The following TDRP variants were observed in gnomAD, a reference collection of about 807,000 sequenced individuals.
The protein encoded by TDRP is testis development related protein, also known as testis development-related protein.
In TDRP, 12 loss-of-function variants were observed where a neutral mutation model predicts 10.5. That is an observed-to-expected ratio of 1.15 (90% CI 0.73 to 1.86). The LOEUF is 1.86. Ranked by LOEUF, TDRP falls within the 40% of genes most tolerant of loss-of-function variation. TDRP has a pLI of 0.00. For synonymous variants in TDRP, 139 were observed against 95.4 expected (o/e 1.46, Z -2.67); for missense variants, 353 against 229.2 (o/e 1.54, Z -3.49).
intron 1 of TDRP, among the ~76,000 whole-genome samples, chr8:536,879 C>G (rs1019570945): frequency 6.6e-6 from 1 of 152,182 alleles, no homozygotes; most frequent in Non-Finnish European, 1.5e-5. Flanking sequence ...GTAACTGACC[C>G]TTCCTGCTTC....
chr8:524,876 G>C (rs987772374), intron 1 of TDRP, among the ~76,000 whole-genome samples: 1 of 152,140 alleles, frequency 6.6e-6, no homozygotes, highest in Non-Finnish European at 1.5e-5. Context: ...TAGAGAACGA[G>C]AGAGAAGGGT....
At chr8:521,975 G>C (rs566360203) in intron 1 of TDRP, among the ~76,000 whole-genome samples, 5 of 152,146 alleles carry the variant, frequency 3.3e-5, no homozygotes, top group African/African-American at 9.6e-5. Flanking sequence ...GCTATTATAA[G>C]TGTTTTATTA....
In TDRP at chr8:491,619, G is replaced by C; in HGVS notation, c.*780C>G. On this transcript the variant is annotated 3_prime_UTR_variant, in exon 3 of 3. Coordinates refer to ENST00000324079, the MANE Select transcript of TDRP (RefSeq NM_001384899.1). ...AACTCTCTATAATGAGCAAGACAAT[G>C]TTTCCTAAATGAAATTATCAACTGA... 1.3e-6 allele frequency: 2 copies of C among 1,530,878 alleles called. No individual in the cohort carries two copies. Among genetic ancestry groups the C allele is most frequent in the Non-Finnish European group, 1.7e-6 (2 of 1,145,432 alleles). The allele number at this position is 1,530,878 out of a possible 1,614,324, so 94.8% of individuals were successfully genotyped here. A position where few individuals can be genotyped will look rare whatever the true frequency, so the allele number is the denominator to read the frequency against.
At chr8:533,265 C>A (rs569171588) in intron 1 of TDRP, among the ~76,000 whole-genome samples, 55 of 152,334 alleles carry the variant, frequency 3.6e-4, no homozygotes, top group African/African-American at 9.9e-4. Flanking sequence ...CTCCTCAACT[C>A]TGGACAGCAG....
intron 1 of TDRP, among the ~76,000 whole-genome samples, chr8:506,767 G>C (rs1444446471): frequency 6.6e-6 from 1 of 152,192 alleles, no homozygotes; most frequent in Admixed American, 6.5e-5. Flanking sequence ...ACATAAAGCA[G>C]ACAGCTATGG....
At chr8:524,710 G>T (rs982166067) in intron 1 of TDRP, among the ~76,000 whole-genome samples, 2 of 152,162 alleles carry the variant, frequency 1.3e-5, no homozygotes, top group Non-Finnish European at 2.9e-5. Context: ...TGATGAGGCA[G>T]AAGAAAGAAT....
Position 492,024 on chromosome 8 carries a change from C to G in TDRP, c.*375G>C, listed in dbSNP as rs372980587. ...CAGCTGCATTTATACGTGCTACATA[C>G]AAGAAAAAGGTACGGAAGTTCTGAA... On this transcript the variant is annotated 3_prime_UTR_variant, in exon 3 of 3. Transcript: ENST00000324079. 1 of 1,113,340 alleles carries G rather than the reference C, an allele frequency of 9.0e-7. No individual in the cohort carries two copies. Among genetic ancestry groups the G allele is most frequent in the East Asian group, 5.3e-5 (1 of 18,750 alleles). 69.0% of individuals were successfully genotyped at this position (1,113,340 alleles called of 1,614,324 possible).
rs1457052017 is a variant in TDRP, at chr8:490,742, T to C, written c.*1657A>G. 6.6e-6 allele frequency: 1 copy of C among 152,228 alleles called. No homozygotes were observed. The highest frequency in any genetic ancestry group is 1.5e-5 in the Non-Finnish European group (1 of 68,042). The allele number at this position is 152,228 out of a possible 1,614,324, so 9.4% of individuals were successfully genotyped here. ...GCTGTTATACTAAAAATTATGAACTTGTCTCTGTATTATGGAACAAAGAAA... is the reference window on the plus strand; with the variant it reads ...GCTGTTATACTAAAAATTATGAACTCGTCTCTGTATTATGGAACAAAGAAA... On this transcript the variant is annotated 3_prime_UTR_variant, in exon 3 of 3. Transcript: ENST00000324079.
Position 492,218 on chromosome 8 carries a change from G to T in TDRP, c.*181C>A. On this transcript the variant is annotated 3_prime_UTR_variant, in exon 3 of 3. Transcript: ENST00000324079. ...GCAATCAAATGTACAATCCCTGCAC[G>T]TGTTCACCAAGGAGTCACAGTGTGT... 1 of 1,281,620 alleles carries T rather than the reference G, an allele frequency of 7.8e-7. No individual in the cohort carries two copies. The allele number at this position is 1,281,620 out of a possible 1,614,324, so 79.4% of individuals were successfully genotyped here.
At chr8:515,634 C>T (rs868598446) in intron 1 of TDRP, among the ~76,000 whole-genome samples, 39 of 152,286 alleles carry the variant, frequency 2.6e-4, no homozygotes, top group Middle Eastern at 3.4e-3. Flanking sequence ...GTTGGCACAA[C>T]CCACTGATGT....
chr8:494,486 T>G lies in TDRP; in HGVS notation c.212+8A>C. The G allele has an allele frequency of 1.2e-6, 2 of 1,612,612 alleles. No homozygotes were observed. The highest frequency in any genetic ancestry group is 1.1e-5 in the South Asian group (1 of 91,036). ...AAATGATCATTTTCTTACACAGTTA[T>G]GACTTACCCTTTGGACTTGGGAGAT... On this transcript the variant is annotated splice_region_variant and intron_variant, in intron 2 of 2. Transcript: ENST00000324079.
intron 1 of TDRP, among the ~76,000 whole-genome samples, chr8:503,276 A>G (rs1392101990): frequency 7.3e-6 from 1 of 137,436 alleles, no homozygotes; most frequent in East Asian, 2.3e-4. Flanking sequence ...CACTAGGGCA[A>G]CCCACGTCCA....
intron 1 of TDRP, among the ~76,000 whole-genome samples, chr8:509,600 C>G (rs751749710): frequency 1.3e-5 from 2 of 152,116 alleles, no homozygotes; most frequent in Non-Finnish European, 2.9e-5. Context: ...GCAAGGGAGC[C>G]CTGGATCTGG....
chr8:537,164 G>C (rs1449942284), intron 1 of TDRP, among the ~76,000 whole-genome samples: 1 of 152,216 alleles, frequency 6.6e-6, no homozygotes, highest in Non-Finnish European at 1.5e-5. Flanking sequence ...GCACTGCTGA[G>C]CCCCACGTGG....
At chr8:528,985 T>C (rs1330071404) in intron 1 of TDRP, among the ~76,000 whole-genome samples, 1 of 152,148 alleles carries the variant, frequency 6.6e-6, no homozygotes, top group Non-Finnish European at 1.5e-5. Flanking sequence ...GGGAGTCTGA[T>C]GTTTGAGGGC....
chr8:544,615 G>A (rs1802585662), intron 1 of TDRP, 35 bp downstream of exon 1: 8 of 1,213,028 alleles, frequency 6.6e-6, no homozygotes, highest in Non-Finnish European at 8.2e-6. Context: ...CGCGCCCCCG[G>A]CCTACTAGCA....
chr8:535,528 T>A (rs931682211), intron 1 of TDRP, among the ~76,000 whole-genome samples: 16 of 152,112 alleles, frequency 1.1e-4, no homozygotes, highest in Admixed American at 5.9e-4. Context: ...CACTCTGAAA[T>A]AACAGGTAAA....
At chr8:544,364 C>G (rs545868761) in intron 1 of TDRP, among the ~76,000 whole-genome samples, 2 of 152,134 alleles carry the variant, frequency 1.3e-5, no homozygotes, top group South Asian at 4.1e-4. Context: ...GGCACTGGGT[C>G]CCCTGCAAGC....
intron 1 of TDRP, among the ~76,000 whole-genome samples, chr8:497,977 A>G (rs1801180606): frequency 6.6e-6 from 1 of 152,162 alleles, no homozygotes; most frequent in South Asian, 2.1e-4. Context: ...GGAGTTTGGG[A>G]GCCTCTGCCT....
Sources: allele counts gnomAD v4.1 joint callset (sites outside exome capture counted in the v4.1 genomes callset), GRCh38; gene constraint gnomAD v4.1.1; transcripts MANE v1.5; gene names NCBI Gene and HGNC (gene_info 2026-07-23, HGNC 2026-07-21).